Variants in SLC26A5 observed in about 807,000 individuals in gnomAD.
SLC26A5 encodes solute carrier family 26 member 5, also known as prestin.
In SLC26A5, 51 loss-of-function variants were observed where a neutral mutation model predicts 81.0. The observed-to-expected ratio is 0.63, with a 90% CI of 0.50 to 0.80. The LOEUF (loss-of-function observed/expected upper bound fraction) is 0.80, where lower values mean the gene tolerates loss of function less well. Ranked by LOEUF, SLC26A5 falls within the 30% of genes least tolerant of loss-of-function variation. The pLI is 0.00. For missense variants in SLC26A5, 771 were observed against 905.8 expected, an observed-to-expected ratio of 0.85 and a Z score of 1.91; for synonymous variants, 325 against 332.8, an observed-to-expected ratio of 0.98 and a Z score of 0.25.
intron 19 of SLC26A5, among the ~76,000 whole-genome samples, chr7:103,375,323 A>G (rs1170475872): frequency 6.6e-6 from 1 of 152,002 alleles, no homozygotes; most frequent in Admixed American, 6.5e-5. Context: ...GTGATGATCA[A>G]CGACATACAA....
At chr7:103,376,656 A>C in intron 19 of SLC26A5, 152 bp downstream of exon 19, 1 of 625,928 alleles carries the variant, frequency 1.6e-6, no homozygotes, top group Non-Finnish European at 2.7e-6. Context: ...CATGTGGCTA[A>C]TTTCAAAGCT....
At chr7:103,415,932 C>G (rs1299649316) in intron 4 of SLC26A5, among the ~76,000 whole-genome samples, 2 of 152,166 alleles carry the variant, frequency 1.3e-5, no homozygotes, top group Non-Finnish European at 2.9e-5. Context: ...GATGGGACAT[C>G]AGGCTTGATC....
At chr7:103,413,341 T>C (rs933084808) in intron 4 of SLC26A5, among the ~76,000 whole-genome samples, 1 of 152,208 alleles carries the variant, frequency 6.6e-6, no homozygotes, top group African/African-American at 2.4e-5. Context: ...GATTTTTTTT[T>C]CTGCTTTATT....
At chr7:103,363,457 G>C (rs374074238) in intron 19 of SLC26A5, 9 of 1,584,978 alleles carry the variant, frequency 5.7e-6, no homozygotes, top group Non-Finnish European at 7.8e-6. Context: ...GCTGAGTGTT[G>C]TATTTAAATT....
intron 4 of SLC26A5, among the ~76,000 whole-genome samples, chr7:103,417,874 G>A (rs768372127): frequency 2.6e-5 from 4 of 152,022 alleles, no homozygotes; most frequent in African/African-American, 7.2e-5. Context: ...TCAGCCTCCC[G>A]AGTAGCTGGG....
intron 19 of SLC26A5, among the ~76,000 whole-genome samples, chr7:103,361,446 G>T (rs1820399500): frequency 6.8e-6 from 1 of 146,432 alleles, no homozygotes; most frequent in Non-Finnish European, 1.5e-5. Flanking sequence ...AGAGGTGGAG[G>T]TTGCAGTGAG....
intron 14 of SLC26A5, among the ~76,000 whole-genome samples, chr7:103,382,515 A>G (rs558815660): frequency 1.3e-5 from 2 of 151,624 alleles, no homozygotes; most frequent in African/African-American, 4.8e-5. Context: ...ATGCCCAGCT[A>G]ATTTTTGTAT....
At chr7:103,409,236 G>T (rs1415380756) in intron 7 of SLC26A5, among the ~76,000 whole-genome samples, 4 of 152,208 alleles carry the variant, frequency 2.6e-5, no homozygotes, top group African/African-American at 9.6e-5. Context: ...AGAGGGCAAG[G>T]CCTGTATCTT....
At chr7:103,365,756 C>T (rs1820684284) in intron 19 of SLC26A5, among the ~76,000 whole-genome samples, 1 of 152,038 alleles carries the variant, frequency 6.6e-6, no homozygotes, top group East Asian at 1.9e-4. Context: ...GCTGAAACCC[C>T]GTCTCTACTA....
At chr7:103,426,669 A>G (rs73712349) in intron 2 of SLC26A5, among the ~76,000 whole-genome samples, 6,130 of 152,266 alleles carry the variant, frequency 0.04, 212 homozygotes, top group East Asian at 0.18. Context: ...AAAGGAGAAG[A>G]TGTTGTAATG....
chr7:103,392,831 C>G (rs781428544), intron 10 of SLC26A5, 88 bp downstream of exon 10: 2 of 1,540,738 alleles, frequency 1.3e-6, no homozygotes, highest in Non-Finnish European at 1.8e-6. Flanking sequence ...CCTGCCTTGG[C>G]CTCCCGAAGT....
intron 4 of SLC26A5, among the ~76,000 whole-genome samples, chr7:103,416,576 T>C (rs1824927716): frequency 1.3e-5 from 2 of 152,230 alleles, no homozygotes. Flanking sequence ...CCAGTTCCCT[T>C]GCTTTTAGCC....
intron 19 of SLC26A5, among the ~76,000 whole-genome samples, chr7:103,375,091 C>T (rs928115904): frequency 7.0e-6 from 1 of 143,584 alleles, no homozygotes; most frequent in African/African-American, 2.5e-5. Context: ...TATACACACA[C>T]ATATATATAC....
chr7:103,421,620 T>G, intron 2 of SLC26A5, 53 bp from the exon 3 acceptor site: 1 of 1,230,748 alleles, frequency 8.1e-7, no homozygotes. Flanking sequence ...TACTGATGAC[T>G]TTTCCTAAGC....
At chr7:103,353,526 C>T (rs1169195016) in intron 19 of SLC26A5, among the ~76,000 whole-genome samples, 2 of 152,130 alleles carry the variant, frequency 1.3e-5, no homozygotes, top group African/African-American at 4.8e-5. Flanking sequence ...AGGCTGGTCT[C>T]AAACTCCTGA....
At chr7:103,388,514 A>G (rs1822389668) in intron 14 of SLC26A5, 1 of 222,420 alleles carries the variant, frequency 4.5e-6, no homozygotes. Flanking sequence ...TATTTTTTTA[A>G]TTTATTTTAT....
At chr7:103,402,723 A>AGTG (rs1301161825) in intron 8 of SLC26A5, among the ~76,000 whole-genome samples, 2 of 152,012 alleles carry the variant, frequency 1.3e-5, no homozygotes, top group African/African-American at 4.8e-5. Context: ...CTGTGGGAGC[A>AGTG]GTGGTGATAT....
At position 103,382,608 on chromosome 7, in the gene SLC26A5, C is replaced by T. The variant is rs146779005; in HGVS notation, c.1515-2059G>A. Among the ~76,000 whole-genome samples the T allele has an allele frequency of 1.2e-3, 185 of 152,134 alleles. 1 individual carries two copies. Among genetic ancestry groups the T allele is most frequent in the African/African-American group, 4.4e-3 (183 of 41,500 alleles). On this transcript the variant is annotated intron_variant, in intron 14 of 19. Transcript: ENST00000306312. ...CAAGTCATCTACCCACCTCGGCCTC[C>T]CAAAGTGCCAGGATTACAGACAGGC...
chr7:103,411,647 CCAGTA>C, intron 5 of SLC26A5, 61 bp from the exon 6 acceptor site: 1 of 1,580,486 alleles, frequency 6.3e-7, no homozygotes, highest in Non-Finnish European at 8.7e-7. Context: ...ATGGTTTTTG[CCAGTA>C]CACCAAGAGA....
Sources: gnomAD v4.1 joint callset for allele counts (sites outside exome capture counted in the v4.1 genomes callset) on GRCh38, gnomAD v4.1.1 for gene constraint, MANE v1.5 for transcripts, NCBI Gene and HGNC (gene_info 2026-07-23, HGNC 2026-07-21) for gene names.